Variants in TCF12 observed in about 807,000 individuals in gnomAD.
TCF12 encodes the protein DNA-binding protein HTF4.
In TCF12, 45 loss-of-function variants were observed where a neutral mutation model predicts 86.0. That is an observed-to-expected ratio of 0.52 (90% confidence interval 0.41 to 0.67). The LOEUF is 0.67. TCF12 is among the 30% of genes least tolerant of loss of function. The probability of loss-of-function intolerance (pLI) is 0.00; values close to 1 mark genes in which losing one functional copy is unlikely to be tolerated. For missense variants in TCF12, 881 were observed against 859.9 expected, an observed-to-expected ratio of 1.02 and a Z score of -0.31; for synonymous variants, 330 against 299.6, an observed-to-expected ratio of 1.10 and a Z score of -1.05.
intron 3 of TCF12, among the ~76,000 whole-genome samples, chr15:56,939,455 A>G (rs1166987024): frequency 2.0e-5 from 3 of 152,120 alleles, no homozygotes; most frequent in Admixed American, 2.0e-4. Flanking sequence ...ATATTGAACA[A>G]AGTATTTCTG....
intron 5 of TCF12, among the ~76,000 whole-genome samples, chr15:57,153,990 G>T (rs1461847995): frequency 1.3e-5 from 2 of 149,998 alleles, no homozygotes; most frequent in African/African-American, 4.9e-5. Context: ...AGAAGACCCT[G>T]TGTCTTTAAA....
At chr15:56,948,131 T>A (rs1183226541) in intron 3 of TCF12, among the ~76,000 whole-genome samples, 1 of 152,066 alleles carries the variant, frequency 6.6e-6, no homozygotes, top group African/African-American at 2.4e-5. Context: ...CTTTTTTTTT[T>A]TATTTTTTGA....
At chr15:57,219,487 C>G in intron 8 of TCF12, 1 of 1,603,804 alleles carries the variant, frequency 6.2e-7, no homozygotes, top group Non-Finnish European at 8.5e-7. Flanking sequence ...AGGCTGTGTG[C>G]ATTAGCTACA....
intron 3 of TCF12, among the ~76,000 whole-genome samples, chr15:56,973,400 C>A (rs1245030781): frequency 6.6e-6 from 1 of 151,932 alleles, no homozygotes; most frequent in African/African-American, 2.4e-5. Context: ...TTGTAGGACT[C>A]CCACTGGCCT....
At chr15:56,974,830 A>G (rs1336424338) in intron 3 of TCF12, among the ~76,000 whole-genome samples, 1 of 152,024 alleles carries the variant, frequency 6.6e-6, no homozygotes, top group East Asian at 1.9e-4. Flanking sequence ...TCCGCTTTCT[A>G]AGTGATTTTT....
rs777326435 is a variant in TCF12 at position 57,231,221 on chromosome 15, C to T, written c.649C>T (p.Pro217Ser). ...ESPSYPSPKP[P>S]TSMFASTFFM... is the part of the protein sequence containing the mutation. ...TCCTAGTTATCCATCTCCTAAGCCA[C>T]CAACCAGTATGTTCGCTAGCACTTT... is the stretch of plus-strand genomic sequence containing the variant. Residue 217 changes from proline (P) to serine (S), a missense_variant, in exon 9 of 21, where the codon CCA becomes TCA. Physicochemically the swap from Pro to Ser is moderately conservative, Grantham distance 74. Coordinates refer to ENST00000333725, the MANE Select transcript of TCF12 (RefSeq NM_207037.2). 4 of 1,613,178 alleles carry T rather than the reference C, an allele frequency of 2.5e-6. No individual in the cohort carries two copies. In the East Asian group the frequency reaches 8.9e-5, roughly 36 times the overall value.
intron 16 of TCF12, among the ~76,000 whole-genome samples, chr15:57,258,802 A>G (rs1450652229): frequency 6.6e-6 from 1 of 152,178 alleles, no homozygotes; most frequent in South Asian, 2.1e-4. Context: ...TTTTAAAGCA[A>G]TTAGAGAAAC....
intron 3 of TCF12, among the ~76,000 whole-genome samples, chr15:57,052,315 C>T (rs1286032925): frequency 1.3e-5 from 2 of 151,924 alleles, no homozygotes; most frequent in Non-Finnish European, 2.9e-5. Context: ...TGCCCTTTAC[C>T]AGGGAGATTG....
At chr15:57,130,185 C>T (rs1270809279) in intron 5 of TCF12, among the ~76,000 whole-genome samples, 1 of 152,118 alleles carries the variant, frequency 6.6e-6, no homozygotes. Context: ...ATGAAAGGCT[C>T]AATTTTGGAT....
chr15:57,212,002 C>T (rs2058130680), intron 8 of TCF12, among the ~76,000 whole-genome samples: 2 of 150,732 alleles, frequency 1.3e-5, no homozygotes, highest in African/African-American at 4.9e-5. Context: ...CACACACACA[C>T]ACACACTTTA....
At chr15:57,067,765 A>G (rs534298371) in intron 4 of TCF12, among the ~76,000 whole-genome samples, 1 of 152,306 alleles carries the variant, frequency 6.6e-6, no homozygotes, top group Admixed American at 6.5e-5. Context: ...AGACACACAC[A>G]TGAACATATA....
chr15:57,183,188 A>G (rs1490134947), intron 6 of TCF12, among the ~76,000 whole-genome samples: 1 of 152,222 alleles, frequency 6.6e-6, no homozygotes, highest in Non-Finnish European at 1.5e-5. Context: ...GAAGAATAAT[A>G]CAATGAACAC....
chr15:57,008,500 A>G (rs2064621613), intron 3 of TCF12, among the ~76,000 whole-genome samples: 2 of 151,988 alleles, frequency 1.3e-5, no homozygotes, highest in African/African-American at 2.4e-5. Flanking sequence ...GACTACAGGC[A>G]TGCACCACCA....
intron 8 of TCF12, among the ~76,000 whole-genome samples, chr15:57,210,734 C>T (rs1220816507): frequency 6.6e-6 from 1 of 152,186 alleles, no homozygotes; most frequent in Non-Finnish European, 1.5e-5. Context: ...AAGGAAGCGT[C>T]CTCAAGATCG....
intron 5 of TCF12, among the ~76,000 whole-genome samples, chr15:57,136,976 T>G (rs397833860): frequency 1.4e-5 from 1 of 71,884 alleles, no homozygotes; most frequent in African/African-American, 4.6e-5. Context: ...TTTTGTTTTT[T>G]TTTTTTTTTT....
intron 3 of TCF12, among the ~76,000 whole-genome samples, chr15:57,021,853 A>G (rs199509632): frequency 6.6e-6 from 1 of 152,136 alleles, no homozygotes; most frequent in Admixed American, 6.5e-5. Context: ...CCACAGGGAC[A>G]TGAGTATGTG....
At chr15:56,977,878 C>T (rs2062690623) in intron 3 of TCF12, among the ~76,000 whole-genome samples, 2 of 152,090 alleles carry the variant, frequency 1.3e-5, no homozygotes, top group Non-Finnish European at 2.9e-5. Flanking sequence ...TTGACTTCAT[C>T]CTCAGAGTTT....
intron 3 of TCF12, among the ~76,000 whole-genome samples, chr15:56,960,411 C>T (rs1355924758): frequency 6.7e-6 from 1 of 149,604 alleles, no homozygotes; most frequent in African/African-American, 2.5e-5. Flanking sequence ...CTTTTGTTGA[C>T]CCAAGGCTAC....
intron 18 of TCF12, among the ~76,000 whole-genome samples, chr15:57,270,747 G>A (rs1022477462): frequency 6.6e-6 from 1 of 152,114 alleles, no homozygotes; most frequent in African/African-American, 2.4e-5. Flanking sequence ...ATGGGATTTT[G>A]GTGTGGATGT....
Sources: gnomAD v4.1 joint callset for allele counts (sites outside exome capture counted in the v4.1 genomes callset) on GRCh38, gnomAD v4.1.1 for gene constraint, MANE v1.5 for transcripts, NCBI Gene and HGNC (gene_info 2026-07-23, HGNC 2026-07-21) for gene names.